TTC28: variants seen among roughly 807,000 people sequenced by gnomAD.
TTC28 encodes tetratricopeptide repeat domain 28.
TTC28 carries 61 observed loss-of-function variants against 198.0 expected under a neutral mutation model. The ratio of observed to expected loss-of-function variants is 0.31; its 90% CI spans 0.25 to 0.38. TTC28 has a LOEUF of 0.38. TTC28 is among the 10% of genes least tolerant of loss of function. The pLI is 1.00. For synonymous variants in TTC28, 1,171 were observed against 1,297.8 expected, an observed-to-expected ratio of 0.90 and a Z score of 2.10; for missense variants, 2,678 against 3,164.0, an observed-to-expected ratio of 0.85 and a Z score of 3.69.
chr22:28,546,235 A>T (rs1028664594), intron 2 of TTC28, among the ~76,000 whole-genome samples: 1 of 152,232 alleles, frequency 6.6e-6, no homozygotes, highest in Non-Finnish European at 1.5e-5. Flanking sequence ...TCATGCCTAT[A>T]ATCCCAGCAC....
intron 6 of TTC28, among the ~76,000 whole-genome samples, chr22:28,140,797 G>GT (rs1048924403): frequency 5.3e-5 from 8 of 151,882 alleles, no homozygotes; most frequent in Admixed American, 2.0e-4. Context: ...CAGAAATGAC[G>GT]TTTTTTTTCC....
intron 1 of TTC28, among the ~76,000 whole-genome samples, chr22:28,657,758 T>C (rs755980115): frequency 2.0e-5 from 3 of 152,124 alleles, no homozygotes; most frequent in Non-Finnish European, 4.4e-5. Context: ...GCACACCTAT[T>C]GTCCCAGCTA....
chr22:28,180,442 G>A (rs1736486140), intron 5 of TTC28, among the ~76,000 whole-genome samples: 1 of 152,098 alleles, frequency 6.6e-6, no homozygotes, highest in African/African-American at 2.4e-5. Flanking sequence ...AGCAGCTACT[G>A]TGATTTTATC....
chr22:28,391,098 T>C (rs2046711319), intron 2 of TTC28, among the ~76,000 whole-genome samples: 1 of 152,218 alleles, frequency 6.6e-6, no homozygotes, highest in Admixed American at 6.5e-5. Context: ...CCTTCACTTA[T>C]GAAGCTTAGT....
chr22:28,504,551 T>G (rs2048579377), intron 2 of TTC28, among the ~76,000 whole-genome samples: 1 of 152,196 alleles, frequency 6.6e-6, no homozygotes, highest in Non-Finnish European at 1.5e-5. Flanking sequence ...GACAGCTGTT[T>G]GAAGCCATGG....
intron 2 of TTC28, among the ~76,000 whole-genome samples, chr22:28,615,206 T>A (rs2050883392): frequency 6.6e-6 from 1 of 152,168 alleles, no homozygotes; most frequent in Admixed American, 6.5e-5. Context: ...AAAATGCTCA[T>A]CATCACTGGC....
intron 1 of TTC28, among the ~76,000 whole-genome samples, chr22:28,647,698 G>C (rs1343063463): frequency 6.6e-6 from 1 of 151,424 alleles, no homozygotes; most frequent in Non-Finnish European, 1.5e-5. Flanking sequence ...AATTAGCCGG[G>C]TGTGGTGGCA....
intron 2 of TTC28, among the ~76,000 whole-genome samples, chr22:28,534,135 G>A (rs1287887855): frequency 1.3e-5 from 2 of 152,140 alleles, no homozygotes; most frequent in Non-Finnish European, 2.9e-5. Flanking sequence ...CCTACAGAAT[G>A]GGAGAAAATT....
intron 12 of TTC28, among the ~76,000 whole-genome samples, chr22:28,063,787 A>G (rs1158671197): frequency 6.6e-6 from 1 of 152,088 alleles, no homozygotes; most frequent in Non-Finnish European, 1.5e-5. Flanking sequence ...GTGAGAAGGC[A>G]TCTGGATGAA....
Position 27,998,649 on chromosome 22 carries a change from A to T in TTC28, c.5010T>A (p.His1670Gln), listed in dbSNP as rs1188303585. ...CGTTCAGCAGGGATGAGTAGAAGGCATGGATGAACATCTTAGAAGCAGCCA... is the reference window on the plus strand; with the variant it reads ...CGTTCAGCAGGGATGAGTAGAAGGCTTGGATGAACATCTTAGAAGCAGCCA... ...VPVAASKMFI[H>Q]AFYSSLLNGL... Residue 1670 changes from histidine to glutamine, a missense_variant, in exon 16 of 23, where the codon CAT (histidine) becomes CAA (glutamine). His to Gln is a conservative substitution (Grantham distance 24, BLOSUM62 0). Coordinates refer to ENST00000397906, the MANE Select transcript of TTC28 (RefSeq NM_001145418.2). The T allele has an allele frequency of 1.3e-6, 2 of 1,550,760 alleles. No homozygotes were observed. Among genetic ancestry groups the T allele is most frequent in the Non-Finnish European group, 1.7e-6 (2 of 1,147,014 alleles).
chr22:28,478,914 G>A (rs1415079525), intron 2 of TTC28, among the ~76,000 whole-genome samples: 3 of 152,106 alleles, frequency 2.0e-5, no homozygotes, highest in Admixed American at 1.3e-4. Flanking sequence ...TGTCTTCTCA[G>A]GACTTAGCAC....
chr22:28,034,498 C>T (rs893223481), intron 12 of TTC28, among the ~76,000 whole-genome samples: 1 of 152,182 alleles, frequency 6.6e-6, no homozygotes, highest in East Asian at 1.9e-4. Flanking sequence ...CTGGCTCAGA[C>T]ATCCTTCATG....
chr22:28,256,148 G>A (rs1398694783), intron 5 of TTC28, among the ~76,000 whole-genome samples: 1 of 151,888 alleles, frequency 6.6e-6, no homozygotes, highest in Non-Finnish European at 1.5e-5. Context: ...GAGGATGGGT[G>A]TGGCGGCTCA....
At chr22:28,673,836 AGCT>A (rs1273362648) in intron 1 of TTC28, among the ~76,000 whole-genome samples, 2 of 152,348 alleles carry the variant, frequency 1.3e-5, no homozygotes, top group East Asian at 3.9e-4. Flanking sequence ...CAATGCACCC[AGCT>A]GCTGAAGAGA....
At position 27,983,390 on chromosome 22, in the gene TTC28, T is replaced by G. The variant is rs1937090672; in HGVS notation, c.6277A>C (p.Met2093Leu). Residue 2093 changes from methionine (M) to leucine (L), a missense_variant, in exon 23 of 23, where the codon ATG becomes CTG. Around this residue, in one of 8 missense-constraint regions of TTC28, gnomAD observed 622 missense variants for 656.0 expected, o/e 0.95. Coordinates refer to ENST00000397906, the MANE Select transcript of TTC28 (RefSeq NM_001145418.2). ...KQPQPGTAGG[M>L]RVSVSSKGSI... is the part of the protein sequence containing the mutation. The stretch of plus-strand genomic sequence containing the variant: ...CCTTTGGAGCTCACCGAGACTCTCA[T>G]GCCTCCGGCTGTCCCAGGTTGGGGT... 6.4e-7 allele frequency: 1 copy of G among 1,551,312 alleles called. No homozygotes were observed. The highest frequency in any genetic ancestry group is 8.7e-7 in the Non-Finnish European group (1 of 1,147,038).
At chr22:28,347,669 C>T (rs544203781) in intron 2 of TTC28, among the ~76,000 whole-genome samples, 3 of 152,180 alleles carry the variant, frequency 2.0e-5, no homozygotes, top group African/African-American at 2.4e-5. Flanking sequence ...GTCAGGAGTT[C>T]GAGACCAGCC....
chr22:28,253,123 T>C (rs1930649546), intron 5 of TTC28, among the ~76,000 whole-genome samples: 1 of 152,176 alleles, frequency 6.6e-6, no homozygotes, highest in African/African-American at 2.4e-5. Flanking sequence ...ATATTTCCAC[T>C]TCTGGGACAT....
At chr22:28,116,684 G>C (rs1298743257) in intron 6 of TTC28, among the ~76,000 whole-genome samples, 1 of 152,216 alleles carries the variant, frequency 6.6e-6, no homozygotes. Flanking sequence ...CATTTGTTTA[G>C]AGGCATGGGA....
chr22:28,428,081 T>TA (rs1473488697), intron 2 of TTC28, among the ~76,000 whole-genome samples: 1 of 149,136 alleles, frequency 6.7e-6, no homozygotes, highest in Non-Finnish European at 1.5e-5. Context: ...TCAAAAGGTT[T>TA]AAATATTAAA....
Sources: gnomAD v4.1 joint callset for allele counts (sites outside exome capture counted in the v4.1 genomes callset) on GRCh38, gnomAD v4.1.1 for gene constraint, gnomAD v4.1.1 regional missense constraint, MANE v1.5 for transcripts, NCBI Gene and HGNC (gene_info 2026-07-23, HGNC 2026-07-21) for gene names.